The following GRAMD1B variants were observed in gnomAD, a reference collection of about 807,000 sequenced individuals.
GRAMD1B encodes GRAM domain containing 1B, also known as protein Aster-B.
A neutral mutation model predicts 99.7 loss-of-function variants in GRAMD1B; 37 were observed. That is an observed-to-expected ratio of 0.37 (90% CI 0.29 to 0.49). The LOEUF is 0.49. Among genes scored for constraint, GRAMD1B ranks in the 20% least tolerant of loss-of-function variants. The pLI is 0.98. For synonymous variants in GRAMD1B, 427 were observed against 387.6 expected (o/e 1.10, Z -1.19); for missense variants, 888 against 1,009.2 (o/e 0.88, Z 1.63).
chr11:123,512,870 ATTT>A (rs1347790566), intron 2 of GRAMD1B, among the ~76,000 whole-genome samples: 1 of 151,890 alleles, frequency 6.6e-6, no homozygotes, highest in East Asian at 1.9e-4. Context: ...ATCTCTGTAC[ATTT>A]TTCTGGGGAG....
At chr11:123,540,210 T>C (rs962602905) in intron 2 of GRAMD1B, among the ~76,000 whole-genome samples, 7 of 151,816 alleles carry the variant, frequency 4.6e-5, no homozygotes, top group Non-Finnish European at 7.4e-5. Flanking sequence ...AGACTATAGG[T>C]GTGCACCACC....
At chr11:123,490,014 A>G (rs966999260) in intron 2 of GRAMD1B, among the ~76,000 whole-genome samples, 2 of 152,172 alleles carry the variant, frequency 1.3e-5, no homozygotes, top group Admixed American at 6.5e-5. Context: ...TCGTCTCTGC[A>G]AAAAATAGCT....
At chr11:123,553,726 C>T (rs11219196) in intron 2 of GRAMD1B, among the ~76,000 whole-genome samples, 16,068 of 152,130 alleles carry the variant, frequency 0.11, 2,316 homozygotes, top group African/African-American at 0.32. Context: ...TTGGGGAACT[C>T]GGAGAGGACA....
At chr11:123,479,558 C>G (rs1951476627) in intron 1 of GRAMD1B, among the ~76,000 whole-genome samples, 1 of 151,978 alleles carries the variant, frequency 6.6e-6, no homozygotes, top group Non-Finnish European at 1.5e-5. Flanking sequence ...ATTAATAGAA[C>G]CTATGTGAAG....
At chr11:123,592,832 T>C (rs752331852) in intron 4 of GRAMD1B, among the ~76,000 whole-genome samples, 5 of 152,194 alleles carry the variant, frequency 3.3e-5, no homozygotes, top group South Asian at 2.1e-4. Context: ...GCGTGGCTCG[T>C]CCCAGGTTTT....
At chr11:123,446,732 C>T (rs780892358) in intron 1 of GRAMD1B, among the ~76,000 whole-genome samples, 9 of 152,144 alleles carry the variant, frequency 5.9e-5, no homozygotes, top group East Asian at 5.8e-4. Context: ...ACTTATTGTG[C>T]GCTTACTGGG....
rs1182034345 is a variant in GRAMD1B, at chr11:123,562,852, C to A, written c.453-14515C>A. ...GGTTGAAGCACTATACCCAGAGACT[C>A]CTAAAGGAACAGTGAGCAATTTCTT... On this transcript the variant is annotated intron_variant, in intron 2 of 19. Coordinates refer to ENST00000635736, the MANE Select transcript of GRAMD1B (RefSeq NM_001387025.1). Among the ~76,000 whole-genome samples, 3 of 152,126 alleles carry A rather than the reference C, an allele frequency of 2.0e-5. No individual in the cohort carries two copies. The South Asian group carries it at 6.2e-4, about 32-fold the overall frequency.
At chr11:123,470,541 T>C (rs1950968095) in intron 1 of GRAMD1B, among the ~76,000 whole-genome samples, 1 of 141,428 alleles carries the variant, frequency 7.1e-6, no homozygotes, top group African/African-American at 2.6e-5. Context: ...TGAGGCGGGG[T>C]CTCACTCTGT....
chr11:123,515,382 C>T (rs1941575334), intron 2 of GRAMD1B, among the ~76,000 whole-genome samples: 1 of 152,162 alleles, frequency 6.6e-6, no homozygotes, highest in Non-Finnish European at 1.5e-5. Flanking sequence ...TAGAAATGCT[C>T]CCAAACCTGA....
At chr11:123,559,267 G>A (rs702737) in intron 2 of GRAMD1B, among the ~76,000 whole-genome samples, 22,530 of 152,146 alleles carry the variant, frequency 0.15, 1,780 homozygotes, top group Admixed American at 0.21. Flanking sequence ...TAGTGTTGTC[G>A]GTTTTGTGCT....
chr11:123,431,805 G>A (rs1257965822), intron 1 of GRAMD1B, among the ~76,000 whole-genome samples: 5 of 152,150 alleles, frequency 3.3e-5, no homozygotes, highest in Non-Finnish European at 7.4e-5. Context: ...TTTTTGCCTA[G>A]GTCAATGTGG....
intron 1 of GRAMD1B, among the ~76,000 whole-genome samples, chr11:123,395,838 G>A (rs369132546): frequency 6.6e-6 from 1 of 152,312 alleles, no homozygotes; most frequent in South Asian, 2.1e-4. Context: ...GTTACTCAGT[G>A]ACCTTAGAGA....
In GRAMD1B at chr11:123,524,015, G is replaced by A. The variant is rs34378731; in HGVS notation, c.452+43122G>A. Among the ~76,000 whole-genome samples the A allele has an allele frequency of 2.6e-3, 395 of 152,130 alleles. 2 individuals are homozygous for A. Among genetic ancestry groups the A allele is most frequent in the Non-Finnish European group, 1.9e-3 (131 of 67,982 alleles). ...TATACCTTATTTTTTTCTTTCTTTC[G>A]TTTTTTACTTGTGGAATCAGGTCAC... On this transcript the variant is annotated intron_variant, in intron 2 of 19. Transcript: ENST00000635736.
chr11:123,608,736 C>G lies in GRAMD1B; in HGVS notation c.1591C>G (p.Leu531Val). The change falls in exon 12 of 20, where the codon CTC (leucine) becomes GTC (valine). Residue 531 changes from leucine to valine, a missense_variant. Physicochemically the swap from Leu to Val is conservative, Grantham distance 32. Around this residue, in one of 5 missense-constraint regions of GRAMD1B, gnomAD observed 269 missense variants for 296.6 expected, o/e 0.91. Coordinates refer to ENST00000635736, the MANE Select transcript of GRAMD1B (RefSeq NM_001387025.1). ...NEVFNFSVDK[L>V]YDLLFTNSPF... is the part of the protein sequence containing the mutation. Reference sequence around the variant, plus strand: ...AGTCTTCAACTTCAGCGTGGACAAGCTCTATGACCTCCTCTTCACCAACTC... The same window carrying G: ...AGTCTTCAACTTCAGCGTGGACAAGGTCTATGACCTCCTCTTCACCAACTC... The G allele has an allele frequency of 6.4e-7, 1 of 1,554,226 alleles. No homozygotes were observed. The highest frequency in any genetic ancestry group is 8.7e-7 in the Non-Finnish European group (1 of 1,148,124).
intron 1 of GRAMD1B, among the ~76,000 whole-genome samples, chr11:123,391,698 C>T (rs1418569625): frequency 9.9e-5 from 15 of 152,136 alleles, no homozygotes; most frequent in Admixed American, 4.6e-4. Context: ...TCAATTGATC[C>T]GCCCACCTTG....
chr11:123,578,362 T>C, intron 3 of GRAMD1B: 1 of 1,467,514 alleles, frequency 6.8e-7, no homozygotes, highest in Non-Finnish European at 9.2e-7. Flanking sequence ...TCCTCTCCTC[T>C]TCTTCCCCAC....
At chr11:123,564,637 A>G (rs780988391) in intron 2 of GRAMD1B, among the ~76,000 whole-genome samples, 10 of 152,208 alleles carry the variant, frequency 6.6e-5, no homozygotes, top group African/African-American at 1.4e-4. Context: ...AGTATCCCCA[A>G]TGCCTAAACC....
chr11:123,389,691 T>C (rs1947204473), intron 1 of GRAMD1B, among the ~76,000 whole-genome samples: 1 of 152,200 alleles, frequency 6.6e-6, no homozygotes, highest in South Asian at 2.1e-4. Context: ...ATGTTAATAA[T>C]AGAAGAAACC....
At chr11:123,379,943 C>T (rs886293621) in intron 1 of GRAMD1B, among the ~76,000 whole-genome samples, 4 of 152,108 alleles carry the variant, frequency 2.6e-5, no homozygotes, top group African/African-American at 7.2e-5. Context: ...TGGCTCATGA[C>T]GTTCAGTATT....
Sources: gnomAD v4.1 joint callset for allele counts (sites outside exome capture counted in the v4.1 genomes callset) on GRCh38, gnomAD v4.1.1 for gene constraint, gnomAD v4.1.1 regional missense constraint, MANE v1.5 for transcripts, NCBI Gene and HGNC (gene_info 2026-07-23, HGNC 2026-07-21) for gene names.